The following BICRAL variants were observed in gnomAD, a reference collection of about 807,000 sequenced individuals.
BICRAL encodes BRD4-interacting chromatin-remodeling complex-associated protein-like.
In BICRAL, 8 loss-of-function variants were observed where a neutral mutation model predicts 91.8. The observed-to-expected ratio is 0.09, with a 90% CI of 0.05 to 0.16. The LOEUF (loss-of-function observed/expected upper bound fraction) is 0.16. BICRAL is among the 10% of genes least tolerant of loss of function. The pLI is 1.00. For synonymous variants in BICRAL, 445 were observed against 491.1 expected (o/e 0.91, Z 1.24); for missense variants, 1,038 against 1,310.9 (o/e 0.79, Z 3.21).
At position 42,815,435 on chromosome 6, in the gene BICRAL, G is replaced by A. The variant is rs147976896; in HGVS notation, c.-6+5034G>A. On this transcript the variant is annotated intron_variant, in intron 2 of 12. Transcript: ENST00000314073. The stretch of plus-strand genomic sequence containing the variant: ...TCAAACTCCTGACCTCAGGTGATCC[G>A]CCCATCTCGGCCTCCCAAATTGTTG... Among the ~76,000 whole-genome samples the A allele has an allele frequency of 6.9e-3, 1,040 of 151,808 alleles. 17 individuals carry two copies. Among genetic ancestry groups the A allele is most frequent in the African/African-American group, 0.024 (994 of 41,424 alleles).
intron 10 of BICRAL, among the ~76,000 whole-genome samples, chr6:42,858,107 G>A (rs1765443209): frequency 6.6e-6 from 1 of 150,954 alleles, no homozygotes; most frequent in African/African-American, 2.4e-5. Flanking sequence ...CACCACTCCT[G>A]GCCAAACTGT....
intron 10 of BICRAL, among the ~76,000 whole-genome samples, chr6:42,859,490 A>G (rs531212074): frequency 1.3e-5 from 2 of 152,212 alleles, no homozygotes; most frequent in East Asian, 1.9e-4. Context: ...ACAGAGCCAC[A>G]TGACCATGAC....
chr6:42,859,563 C>T (rs1765489668), intron 10 of BICRAL, among the ~76,000 whole-genome samples: 1 of 152,104 alleles, frequency 6.6e-6, no homozygotes, highest in Non-Finnish European at 1.5e-5. Context: ...AGTTGGACTT[C>T]ATTGTTTCAG....
intron 1 of BICRAL, among the ~76,000 whole-genome samples, chr6:42,784,860 A>T (rs888069259): frequency 4.6e-5 from 7 of 152,092 alleles, no homozygotes; most frequent in African/African-American, 1.7e-4. Context: ...GATGTTCAAT[A>T]TTGACATTCT....
At chr6:42,797,808 T>C (rs113750540) in intron 1 of BICRAL, among the ~76,000 whole-genome samples, 224 of 152,176 alleles carry the variant, frequency 1.5e-3, no homozygotes, top group Non-Finnish European at 2.8e-3. Context: ...AAACCCCATC[T>C]CTACAAAAAT....
At chr6:42,751,066 A>G (rs1345499798) in intron 1 of BICRAL, among the ~76,000 whole-genome samples, 1 of 128,358 alleles carries the variant, frequency 7.8e-6, no homozygotes, top group East Asian at 2.2e-4. Context: ...CCCCTTGCCC[A>G]GTTTCCTTTT....
In BICRAL at chr6:42,801,407, T is replaced by C. The variant is rs534175434; in HGVS notation, c.-101-8899T>C. 6.6e-5 allele frequency among the ~76,000 whole-genome samples: 10 copies of C among 152,328 alleles called. No individual in the cohort carries two copies. The South Asian group carries it at 1.2e-3, about 19-fold the overall frequency. On this transcript the variant is annotated intron_variant, in intron 1 of 12. Transcript: ENST00000314073. ...TCCTACTATTAAGCAGTTTTGACTT[T>C]AATAGCTCAATTTTTACCATACTGT... is the stretch of plus-strand genomic sequence containing the variant.
At chr6:42,768,555 A>T (rs1762667995) in intron 1 of BICRAL, among the ~76,000 whole-genome samples, 1 of 152,218 alleles carries the variant, frequency 6.6e-6, no homozygotes, top group Non-Finnish European at 1.5e-5. Context: ...TCAGATTAGC[A>T]GGTAGAATGA....
chr6:42,759,771 A>C (rs557576801), intron 1 of BICRAL, among the ~76,000 whole-genome samples: 1 of 152,292 alleles, frequency 6.6e-6, no homozygotes, highest in South Asian at 2.1e-4. Context: ...TGGGAAGCCT[A>C]TCTGGGTTTC....
chr6:42,757,543 T>C (rs1487166467), intron 1 of BICRAL, among the ~76,000 whole-genome samples: 2 of 152,074 alleles, frequency 1.3e-5, no homozygotes, highest in African/African-American at 4.8e-5. Context: ...CTGGCCACCA[T>C]GCCCGGCTAA....
At chr6:42,808,669 AGG>A (rs1216078144) in intron 1 of BICRAL, among the ~76,000 whole-genome samples, 1 of 152,056 alleles carries the variant, frequency 6.6e-6, no homozygotes, top group Non-Finnish European at 1.5e-5. Context: ...ACTCAGCTGA[AGG>A]GTGTGTGTGG....
At chr6:42,863,984 C>A (rs1181632056) in intron 12 of BICRAL, among the ~76,000 whole-genome samples, 1 of 151,922 alleles carries the variant, frequency 6.6e-6, no homozygotes, top group Non-Finnish European at 1.5e-5. Context: ...ACCAACATGG[C>A]GAAACCCTGC....
chr6:42,865,502 G>GAGACCCCACCCC lies in BICRAL; in HGVS notation c.*56_*57insAGACCCCACCCC. 1 of 745,076 alleles carries GAGACCCCACCCC rather than the reference G, an allele frequency of 1.3e-6. No homozygotes were observed. The allele number at this position is 745,076 out of a possible 1,614,324, so 46.2% of individuals were successfully genotyped here. On this transcript the variant is annotated 3_prime_UTR_variant, in exon 13 of 13. Transcript: ENST00000314073. ...AGACCCCACCCCGAGACCCCACCCC[G>GAGACCCCACCCC]GACCAGTTACATTCGTTCCTGGCAA...
intron 1 of BICRAL, among the ~76,000 whole-genome samples, chr6:42,764,354 C>T (rs956432128): frequency 6.6e-6 from 1 of 151,104 alleles, no homozygotes; most frequent in Non-Finnish European, 1.5e-5. Flanking sequence ...GAGTTCAAGA[C>T]CAGCCTAGGC....
At position 42,816,786 on chromosome 6, in the gene BICRAL, G is replaced by A. The variant is rs562956628; in HGVS notation, c.-5-5232G>A. ...TCCCAGCACTTTGGGAGGCCGAGGC[G>A]GGCGGATCACGAGGTCAGGAGATCA... On this transcript the variant is annotated intron_variant, in intron 2 of 12. Coordinates refer to ENST00000314073, the MANE Select transcript of BICRAL (RefSeq NM_001393499.1). 8.6e-5 allele frequency among the ~76,000 whole-genome samples: 13 copies of A among 151,876 alleles called. No homozygotes were observed. In the South Asian group the frequency reaches 1.0e-3, roughly 12 times the overall value.
chr6:42,788,949 G>A (rs1164408008), intron 1 of BICRAL, among the ~76,000 whole-genome samples: 1 of 152,182 alleles, frequency 6.6e-6, no homozygotes, highest in East Asian at 1.9e-4. Flanking sequence ...GAGCAGGCAG[G>A]TGATCAGTTC....
intron 1 of BICRAL, among the ~76,000 whole-genome samples, chr6:42,754,338 A>AT (rs1440621743): frequency 4.6e-5 from 7 of 151,504 alleles, no homozygotes; most frequent in Non-Finnish European, 8.8e-5. Flanking sequence ...CGCCTGGCTA[A>AT]TTTTTTTGTA....
At chr6:42,774,367 T>A (rs1199497253) in intron 1 of BICRAL, among the ~76,000 whole-genome samples, 2 of 152,138 alleles carry the variant, frequency 1.3e-5, no homozygotes, top group Non-Finnish European at 1.5e-5. Context: ...GCATAGAGAC[T>A]AGAGAGGAAG....
intron 2 of BICRAL, among the ~76,000 whole-genome samples, chr6:42,812,537 C>CA (rs1307576417): frequency 6.0e-5 from 9 of 149,892 alleles, no homozygotes; most frequent in African/African-American, 1.7e-4. Flanking sequence ...GACAACAAAG[C>CA]AAAAAAAAAT....
Sources: gnomAD v4.1 joint callset for allele counts (sites outside exome capture counted in the v4.1 genomes callset) on GRCh38, gnomAD v4.1.1 for gene constraint, MANE v1.5 for transcripts, NCBI Gene and HGNC (gene_info 2026-07-23, HGNC 2026-07-21) for gene names.